Variants in PTPRN observed in about 807,000 individuals in gnomAD.
The protein encoded by PTPRN is receptor-type tyrosine-protein phosphatase-like N.
PTPRN carries 70 observed loss-of-function variants against 108.5 expected under a neutral mutation model. That is an observed-to-expected ratio of 0.65 (90% CI 0.53 to 0.79). PTPRN has a LOEUF of 0.79. Among genes scored for constraint, PTPRN ranks in the 30% least tolerant of loss-of-function variants. PTPRN has a pLI of 0.00. For synonymous variants in PTPRN, 496 were observed against 524.6 expected (o/e 0.95, Z 0.75); for missense variants, 1,136 against 1,295.5 (o/e 0.88, Z 1.89).
chr2:219,303,820 G>T lies in PTPRN; in HGVS notation c.292C>A (p.His98Asn), dbSNP rs1438870395. Residue 98 changes from histidine to asparagine, a missense_variant, in exon 4 of 23, where the codon CAC (histidine) becomes AAC (asparagine). His to Asn is a moderately conservative substitution (Grantham distance 68). Transcript: ENST00000295718. ...ATCACATACTGGGTGAGGTCATCGT[G>T]CCAGGACAATCCTGTCAGGAAAGAG... ...RQLMSQGLSW[H>N]DDLTQYVISQ... 6.2e-7 allele frequency: 1 copy of T among 1,612,402 alleles called. No homozygotes were observed. The highest frequency in any genetic ancestry group is 1.7e-5 in the Admixed American group (1 of 59,842).
At position 219,299,350 on chromosome 2, in the gene PTPRN, G is replaced by T. The variant is rs776061077; in HGVS notation, c.1558C>A (p.His520Asn). The change falls in exon 11 of 23, where the codon CAC (histidine) becomes AAC (asparagine). Residue 520 changes from histidine (H) to asparagine (N), a missense_variant. By Grantham distance (68) the His-to-Asn change is moderately conservative. Coordinates refer to ENST00000295718, the MANE Select transcript of PTPRN (RefSeq NM_002846.4). ...VGPALTFRIR[H>N]NEQNLSLADV... ...GCCAAAGACAGGTTCTGCTCATTGT[G>T]CCGGATGCGGAAGGTGAGGGCTGGT... is the stretch of plus-strand genomic sequence containing the variant. 6.2e-7 allele frequency: 1 copy of T among 1,614,218 alleles called. No homozygotes were observed. Among genetic ancestry groups the T allele is most frequent in the Admixed American group, 1.7e-5 (1 of 60,034 alleles).
intron 3 of PTPRN, among the ~76,000 whole-genome samples, chr2:219,305,488 G>A (rs1348614074): frequency 2.0e-5 from 3 of 152,040 alleles, no homozygotes; most frequent in Non-Finnish European, 4.4e-5. Context: ...TGACCTGCCT[G>A]CCCCAGCCTC....
intron 18 of PTPRN, chr2:219,295,746 G>C (rs1368056556): frequency 6.4e-6 from 1 of 156,978 alleles, no homozygotes; most frequent in Non-Finnish European, 1.4e-5. Context: ...TTTTACATTA[G>C]TAACGTATGT....
Position 219,309,280 on chromosome 2 carries a change from A to C in PTPRN, c.53T>G (p.Leu18Arg). The change falls in exon 1 of 23, where the codon CTG (leucine) becomes CGG (arginine). Residue 18 changes from leucine to arginine, a missense_variant. Physicochemically the swap from Leu to Arg is moderately radical, Grantham distance 102. Transcript: ENST00000295718. ...GCTCAGCAGCAGGAGGCAGAGGAGC[A>C]GCCGGAGACCCCCGGATCCCCCGAG... Reference protein sequence around the residue: ...GGLGGSGGLRLLLCLLLLSSR... With the variant: ...GGLGGSGGLRRLLCLLLLSSR... The C allele has an allele frequency of 6.5e-7, 1 of 1,528,754 alleles. No homozygotes were observed. The highest frequency in any genetic ancestry group is 8.8e-7 in the Non-Finnish European group (1 of 1,142,548). 94.7% of individuals were successfully genotyped at this position (1,528,754 alleles called of 1,614,324 possible). A position where few individuals can be genotyped will look rare whatever the true frequency, so the allele number is the denominator to read the frequency against.
chr2:219,291,306 A>T (rs1952048983), intron 20 of PTPRN, among the ~76,000 whole-genome samples, 164 bp downstream of exon 20: 2 of 152,182 alleles, frequency 1.3e-5, no homozygotes, highest in African/African-American at 4.8e-5. Flanking sequence ...TCACCCATTT[A>T]AAACTGTGAA....
chr2:219,294,366 C>T (rs1413065098), intron 19 of PTPRN, among the ~76,000 whole-genome samples: 1 of 147,586 alleles, frequency 6.8e-6, no homozygotes, highest in Non-Finnish European at 1.5e-5. Context: ...AAGAGAAGCG[C>T]GGAGAGGGAG....
At chr2:219,292,504 T>C (rs540894280) in intron 19 of PTPRN, 2 of 152,362 alleles carry the variant, frequency 1.3e-5, no homozygotes, top group South Asian at 4.1e-4. Flanking sequence ...TGACTTAGAA[T>C]GGCTTCATAG....
At chr2:219,294,322 T>A (rs1574912641) in intron 19 of PTPRN, 3 of 343,952 alleles carry the variant, frequency 8.7e-6, no homozygotes, top group African/African-American at 7.8e-5. Context: ...GGGAAGGAGG[T>A]GGAGAAAAAC....
chr2:219,298,164 C>T, intron 12 of PTPRN, 61 bp from the exon 13 acceptor site: 2 of 1,528,042 alleles, frequency 1.3e-6, no homozygotes, highest in South Asian at 1.1e-5. Context: ...AGAGCTGCTC[C>T]TCACCCCGGT....
chr2:219,302,434 C>T lies in PTPRN; in HGVS notation c.697G>A (p.Gly233Ser), dbSNP rs141316894. ...SEGSPGMVSV[G>S]PLPKAEAPAL... is the part of the protein sequence containing the mutation. ...GGGGCTTCAGCCTTGGGCAGGGGGC[C>T]GACACTGACCATCCCTGGGGAGCCC... is the stretch of plus-strand genomic sequence containing the variant. Residue 233 changes from glycine (G) to serine (S), a missense_variant, in exon 6 of 23, where the codon GGC becomes AGC. Gly to Ser is a moderately conservative substitution (Grantham distance 56). Transcript: ENST00000295718. 23 of 1,614,122 alleles carry T rather than the reference C, an allele frequency of 1.4e-5. No individual in the cohort carries two copies. The highest frequency in any genetic ancestry group is 1.2e-4 in the African/African-American group (9 of 75,050).
chr2:219,303,209 C>T (rs1952401082), intron 4 of PTPRN, among the ~76,000 whole-genome samples: 1 of 152,212 alleles, frequency 6.6e-6, no homozygotes, highest in Non-Finnish European at 1.5e-5. Context: ...CATGTCCCCA[C>T]ACCTGGCTCT....
At chr2:219,294,924 G>A (rs1283798227) in intron 19 of PTPRN, 51 bp downstream of exon 19, 2 of 1,391,946 alleles carry the variant, frequency 1.4e-6, no homozygotes, top group South Asian at 1.6e-5. Flanking sequence ...GGCGGACCCC[G>A]GCTCCGCCCC....
Position 219,297,190 on chromosome 2 carries a change from A to G in PTPRN, c.2088+43T>C. The G allele has an allele frequency of 6.2e-7, 1 of 1,610,930 alleles. No homozygotes were observed. The highest frequency in any genetic ancestry group is 8.5e-7 in the Non-Finnish European group (1 of 1,177,852). On this transcript the variant is annotated intron_variant, in intron 14 of 22. Coordinates refer to ENST00000295718, the MANE Select transcript of PTPRN (RefSeq NM_002846.4). The surrounding 1 kb of genome is among the most constrained non-coding windows in gnomAD (Gnocchi z 6.0). ...CACAGCCAGCCTGGCCTCTCTCACC[A>G]TCCCATTCCTTCACCCACTCTGGGC...
chr2:219,290,677 C>G lies in PTPRN; in HGVS notation c.2795-66G>C. ...CAGAGGAGGACAGGACCCAGAAAAC[C>G]TGAGGCCTCCTGGAGGCAAAGAGCC... is the stretch of plus-strand genomic sequence containing the variant. On this transcript the variant is annotated intron_variant, in intron 21 of 22. Transcript: ENST00000295718. This position sits in a 1 kb window ranked among gnomAD's most constrained non-coding sequence, Gnocchi z 4.2. The G allele has an allele frequency of 6.7e-7, 1 of 1,493,866 alleles. No homozygotes were observed. Among genetic ancestry groups the G allele is most frequent in the Non-Finnish European group, 9.1e-7 (1 of 1,093,100 alleles). 92.5% of individuals were successfully genotyped at this position (1,493,866 alleles called of 1,614,324 possible). A position where few individuals can be genotyped will look rare whatever the true frequency, so the allele number is the denominator to read the frequency against.
In PTPRN at chr2:219,296,751, T is replaced by C. The variant is rs562356106; in HGVS notation, c.2308A>G (p.Ile770Val). The C allele has an allele frequency of 1.2e-5, 19 of 1,613,736 alleles. No individual in the cohort carries two copies. The East Asian group carries it at 4.2e-4, about 36-fold the overall frequency. ...GGGCTGGAGTCAGGGCCACTCACAA[T>C]GGGGCTGGCGTTGATGTAATCGCTC... Reference protein sequence around the residue: ...SRSDYINASPIIEHDPRMPAY... With the variant: ...SRSDYINASPVIEHDPRMPAY... The change falls in exon 16 of 23, where the codon ATT (isoleucine) becomes GTT (valine). Residue 770 changes from isoleucine to valine, a missense_variant and splice_region_variant. Physicochemically the swap from Ile to Val is conservative, Grantham distance 29. Coordinates refer to ENST00000295718, the MANE Select transcript of PTPRN (RefSeq NM_002846.4). This position sits in a 1 kb window ranked among gnomAD's most constrained non-coding sequence, Gnocchi z 6.0.
chr2:219,299,008 C>T (rs1952274003), intron 12 of PTPRN, 39 bp downstream of exon 12: 2 of 1,611,314 alleles, frequency 1.2e-6, no homozygotes, highest in Admixed American at 1.7e-5. Flanking sequence ...CAACATCAGC[C>T]CTCTGGGGAC....
At chr2:219,299,467 G>A (rs1297758750) in intron 10 of PTPRN, 83 bp from the exon 11 acceptor site, 77 of 1,449,770 alleles carry the variant, frequency 5.3e-5, no homozygotes, top group South Asian at 3.7e-4. Context: ...CCCTCTCCCC[G>A]TTAGAGGATG....
Position 219,290,033 on chromosome 2 carries a change from TG to T in PTPRN, c.*192del. ...CACCCCCATGGGATGCCCTGGGCTC[TG>T]GGATGCCCCAGGCTCTGGCATGCGA... On this transcript the variant is annotated 3_prime_UTR_variant, in exon 23 of 23. Coordinates refer to ENST00000295718, the MANE Select transcript of PTPRN (RefSeq NM_002846.4). The surrounding 1 kb of genome is among the most constrained non-coding windows in gnomAD (Gnocchi z 4.2). The T allele has an allele frequency of 1.6e-6, 1 of 606,070 alleles. No homozygotes were observed. The allele number at this position is 606,070 out of a possible 1,614,324, so 37.5% of individuals were successfully genotyped here. A position where few individuals can be genotyped will look rare whatever the true frequency, so the allele number is the denominator to read the frequency against.
chr2:219,299,832 C>CA (rs780691641), intron 9 of PTPRN, 46 bp from the exon 10 acceptor site: 1 of 1,564,180 alleles, frequency 6.4e-7, no homozygotes, highest in Admixed American at 1.8e-5. Context: ...GCAACCCTCT[C>CA]AGTCACTTTC....
Sources: allele counts gnomAD v4.1 joint callset (sites outside exome capture counted in the v4.1 genomes callset), GRCh38; gene constraint gnomAD v4.1.1; non-coding constraint Gnocchi (gnomAD v3.1); transcripts MANE v1.5; gene names NCBI Gene and HGNC (gene_info 2026-07-23, HGNC 2026-07-21).